Variants in COL21A1 observed in about 807,000 individuals in gnomAD.
The protein encoded by COL21A1 is collagen type XXI alpha 1 chain.
COL21A1 carries 149 observed loss-of-function variants against 137.9 expected under a neutral mutation model. The ratio of observed to expected loss-of-function variants is 1.08; its 90% confidence interval spans 0.95 to 1.24. The LOEUF (loss-of-function observed/expected upper bound fraction) is 1.24, where lower values mean the gene tolerates loss of function less well. COL21A1 is among the 50% of genes most tolerant of loss of function. The pLI is 0.00. For missense variants in COL21A1, 1,167 were observed against 1,158.4 expected (o/e 1.01, Z -0.11); for synonymous variants, 456 against 391.5 (o/e 1.16, Z -1.95).
At position 56,098,656 on chromosome 6, in the gene COL21A1, A is replaced by AATATATATAAAT. The variant is rs1295033301; in HGVS notation, c.1812+2804_1812+2815dup. ...ATATATAAATATATATAAATATATA[A>AATATATATAAAT]ATATATATAAATATATATATAAATA... is the stretch of plus-strand genomic sequence containing the variant. On this transcript the variant is annotated intron_variant, in intron 17 of 29. Coordinates refer to ENST00000244728, the MANE Select transcript of COL21A1 (RefSeq NM_030820.4). Among the ~76,000 whole-genome samples, 22 of 20,406 alleles carry AATATATATAAAT rather than the reference A, an allele frequency of 1.1e-3. 4 individuals are homozygous for AATATATATAAAT. Among genetic ancestry groups the AATATATATAAAT allele is most frequent in the Non-Finnish European group, 9.0e-4 (12 of 13,406 alleles). 13.4% of individuals were successfully genotyped at this position (20,406 alleles called of 152,430 possible).
chr6:56,107,400 A>G (rs1771044699), intron 16 of COL21A1, among the ~76,000 whole-genome samples: 1 of 152,132 alleles, frequency 6.6e-6, no homozygotes, highest in African/African-American at 2.4e-5. Flanking sequence ...ATTTATATTT[A>G]AAACTATAAT....
chr6:56,225,281 G>C lies in COL21A1; in HGVS notation c.-39+22106C>G, dbSNP rs1005259623. 2.0e-5 allele frequency among the ~76,000 whole-genome samples: 3 copies of C among 151,976 alleles called. No individual in the cohort carries two copies. The East Asian group carries it at 5.8e-4, about 29-fold the overall frequency. The stretch of plus-strand genomic sequence containing the variant: ...TTTAAATCTTTTTGAAACCCCCCAA[G>C]CTATCAAGAAACTAACCACTAGGTC... On this transcript the variant is annotated intron_variant, in intron 1 of 29. Coordinates refer to ENST00000244728, the MANE Select transcript of COL21A1 (RefSeq NM_030820.4).
intron 1 of COL21A1, among the ~76,000 whole-genome samples, chr6:56,373,316 T>G (rs1025134230): frequency 6.6e-6 from 1 of 152,234 alleles, no homozygotes; most frequent in Non-Finnish European, 1.5e-5. Flanking sequence ...TTTAAAAATG[T>G]TTAGGCCAGG....
At chr6:56,389,018 T>C (rs536451192) in intron 1 of COL21A1, among the ~76,000 whole-genome samples, 25 of 152,194 alleles carry the variant, frequency 1.6e-4, no homozygotes, top group East Asian at 7.7e-4. Context: ...AAGAGCAGAA[T>C]TGATCAAGCA....
At chr6:56,102,104 G>A (rs12208823) in intron 16 of COL21A1, among the ~76,000 whole-genome samples, 23,113 of 151,974 alleles carry the variant, frequency 0.15, 1,789 homozygotes, top group Middle Eastern at 0.22. Flanking sequence ...ACTATGCTCA[G>A]GTTAAGCATC....
At chr6:56,250,025 A>G (rs533372636), upstream of COL21A1, among the ~76,000 whole-genome samples, 61 of 152,366 alleles carry the variant, frequency 4.0e-4, 2 homozygotes, top group South Asian at 0.012. Flanking sequence ...AAATTTTGTC[A>G]TGGCTCTCTA....
At chr6:56,273,893 G>T (rs994331897) in intron 1 of COL21A1, among the ~76,000 whole-genome samples, 1 of 152,074 alleles carries the variant, frequency 6.6e-6, no homozygotes, top group African/African-American at 2.4e-5. Flanking sequence ...GCCAGCATCA[G>T]CATGATACAA....
At chr6:56,096,551 C>G (rs1769340286) in intron 17 of COL21A1, among the ~76,000 whole-genome samples, 2 of 152,280 alleles carry the variant, frequency 1.3e-5, no homozygotes, top group South Asian at 4.1e-4. Context: ...TTGACAAATA[C>G]TAGCTTTCAA....
At chr6:56,203,794 C>T (rs1779565629) in intron 1 of COL21A1, among the ~76,000 whole-genome samples, 1 of 152,334 alleles carries the variant, frequency 6.6e-6, no homozygotes, top group Admixed American at 6.5e-5. Context: ...ACTGGTTGGA[C>T]AGTGGGTGCA....
chr6:56,199,624 T>C (rs1166247182), intron 1 of COL21A1, among the ~76,000 whole-genome samples: 2 of 152,192 alleles, frequency 1.3e-5, no homozygotes, highest in East Asian at 3.8e-4. Flanking sequence ...AATTAAAATT[T>C]ATACTTTTAA....
At chr6:56,176,620 G>A (rs936622859) in intron 3 of COL21A1, among the ~76,000 whole-genome samples, 33 of 72,276 alleles carry the variant, frequency 4.6e-4, no homozygotes, top group Non-Finnish European at 9.6e-4. Flanking sequence ...AAAGAAAGAG[G>A]AAGGAAAAGA....
At chr6:56,345,297 T>C (rs188668649) in intron 1 of COL21A1, among the ~76,000 whole-genome samples, 13 of 152,272 alleles carry the variant, frequency 8.5e-5, no homozygotes, top group Non-Finnish European at 1.8e-4. Context: ...GGGGAGATAT[T>C]TGAGTAGGTG....
At chr6:56,315,592 T>C (rs1263084057) in intron 1 of COL21A1, among the ~76,000 whole-genome samples, 1 of 149,976 alleles carries the variant, frequency 6.7e-6, no homozygotes, top group African/African-American at 2.5e-5. Context: ...CTAGAGGCTG[T>C]TCTTAGCTTC....
chr6:56,121,949 A>ATATTTTCT (rs1772577979), intron 16 of COL21A1, among the ~76,000 whole-genome samples: 3 of 152,172 alleles, frequency 2.0e-5, no homozygotes, highest in Non-Finnish European at 4.4e-5. Context: ...AAAATAGGAG[A>ATATTTTCT]CATAACCAAG....
Position 56,057,555 on chromosome 6 carries a change from A to G in COL21A1, c.*102T>C. 1.0e-6 allele frequency: 1 copy of G among 964,044 alleles called. No individual in the cohort carries two copies. Among genetic ancestry groups the G allele is most frequent in the South Asian group, 1.5e-5 (1 of 66,132 alleles). The allele number at this position is 964,044 out of a possible 1,614,324, so 59.7% of individuals were successfully genotyped here. On this transcript the variant is annotated 3_prime_UTR_variant, in exon 30 of 30. Transcript: ENST00000244728. Reference sequence around the variant, plus strand: ...AAAAAAAAAATAAAAACACCGAGGTACTTAAGTTTCTTTTCAAGGGATTAC... The same window carrying G: ...AAAAAAAAAATAAAAACACCGAGGTGCTTAAGTTTCTTTTCAAGGGATTAC...
chr6:56,126,321 G>A (rs1363691691), intron 12 of COL21A1, 172 bp from the exon 13 acceptor site: 1 of 548,512 alleles, frequency 1.8e-6, no homozygotes, highest in Admixed American at 3.7e-5. Context: ...TACTTTTCAG[G>A]GTTTCATTTA....
chr6:56,071,601 A>G (rs934212862), intron 20 of COL21A1, among the ~76,000 whole-genome samples: 1 of 151,532 alleles, frequency 6.6e-6, no homozygotes, highest in African/African-American at 2.4e-5. Context: ...CAGCTTTTAA[A>G]AAAGTTTTGT....
intron 17 of COL21A1, among the ~76,000 whole-genome samples, chr6:56,086,084 C>T (rs570934495): frequency 1.6e-4 from 24 of 151,572 alleles, no homozygotes; most frequent in South Asian, 4.1e-4. Flanking sequence ...TTTAAATTTA[C>T]GATTATCTAC....
At chr6:56,375,576 G>A (rs2093997513) in intron 1 of COL21A1, among the ~76,000 whole-genome samples, 1 of 152,134 alleles carries the variant, frequency 6.6e-6, no homozygotes, top group Non-Finnish European at 1.5e-5. Context: ...TTCTAGTCCA[G>A]TGCATGGTGC....
Sources: gnomAD v4.1 joint callset for allele counts (sites outside exome capture counted in the v4.1 genomes callset) on GRCh38, gnomAD v4.1.1 for gene constraint, MANE v1.5 for transcripts, NCBI Gene and HGNC (gene_info 2026-07-23, HGNC 2026-07-21) for gene names.